SAE1: variants seen among roughly 807,000 people sequenced by gnomAD.
SAE1 encodes the protein SUMO1 activating enzyme subunit 1.
In SAE1, 11 loss-of-function variants were observed where a neutral mutation model predicts 40.6. The observed-to-expected ratio is 0.27, with a 90% CI of 0.17 to 0.45. The LOEUF is 0.45. Ranked by LOEUF, SAE1 falls within the 20% of genes least tolerant of loss-of-function variation. The probability of loss-of-function intolerance (pLI) is 1.00; values close to 1 mark genes in which losing one functional copy is unlikely to be tolerated. For missense variants in SAE1, 373 were observed against 427.3 expected (o/e 0.87, Z 1.12); for synonymous variants, 155 against 154.3 (o/e 1.00, Z -0.03).
intron 6 of SAE1, among the ~76,000 whole-genome samples, chr19:47,171,130 A>G (rs1214391360): frequency 6.8e-6 from 1 of 147,708 alleles, no homozygotes; most frequent in Non-Finnish European, 1.5e-5. Context: ...GCGTGCCACC[A>G]CACCCAGCTA....
intron 1 of SAE1, among the ~76,000 whole-genome samples, chr19:47,138,904 T>G (rs1480829885): frequency 6.6e-6 from 1 of 152,164 alleles, no homozygotes; most frequent in Non-Finnish European, 1.5e-5. Flanking sequence ...TGGACCTATT[T>G]TAAATTAGGT....
intron 7 of SAE1, among the ~76,000 whole-genome samples, chr19:47,203,336 G>A (rs1205889091): frequency 6.6e-6 from 1 of 152,148 alleles, no homozygotes; most frequent in African/African-American, 2.4e-5. Flanking sequence ...AGAGAATTGC[G>A]AGAATGTGAC....
intron 6 of SAE1, among the ~76,000 whole-genome samples, chr19:47,191,427 C>T (rs1024125216): frequency 6.6e-6 from 1 of 152,146 alleles, no homozygotes; most frequent in African/African-American, 2.4e-5. Flanking sequence ...AAATGTTAAA[C>T]GCTAGTCCTG....
chr19:47,140,063 G>C (rs868497663), intron 1 of SAE1, among the ~76,000 whole-genome samples: 3 of 148,750 alleles, frequency 2.0e-5, no homozygotes, highest in Non-Finnish European at 4.4e-5. Context: ...TCAGCTTCCC[G>C]AGTAGCTGAG....
intron 6 of SAE1, among the ~76,000 whole-genome samples, chr19:47,174,504 C>T (rs1374787044): frequency 6.6e-6 from 1 of 150,410 alleles, no homozygotes; most frequent in East Asian, 1.9e-4. Context: ...TTAAGCAATT[C>T]TCCTGCCTCA....
chr19:47,141,287 C>T lies in SAE1; in HGVS notation c.99-2207C>T, dbSNP rs1445804464. On this transcript the variant is annotated intron_variant, in intron 1 of 8. Transcript: ENST00000270225. ...AAAGTGCTGGGATTACAGGCGTGAG[C>T]CCCCACGCCTGGCCATAATTTTTTT... Among the ~76,000 whole-genome samples, 4 of 151,812 alleles carry T rather than the reference C, an allele frequency of 2.6e-5. No homozygotes were observed. In the East Asian group the frequency reaches 7.8e-4, roughly 29 times the overall value.
rs1456404598 is a variant in SAE1, at chr19:47,166,585, G to GTTGGTTCGTTGCTTA, written c.628-3232_628-3231insTGGTTCGTTGCTTAT. ...ACCCCCAACTCCGTTTCATCATATA[G>GTTGGTTCGTTGCTTA]TAGCCTAACATATTAGTTGGTTCGT... On this transcript the variant is annotated intron_variant, in intron 5 of 8. Coordinates refer to ENST00000270225, the MANE Select transcript of SAE1 (RefSeq NM_005500.3). Among the ~76,000 whole-genome samples the GTTGGTTCGTTGCTTA allele has an allele frequency of 2.6e-5, 4 of 152,090 alleles. No homozygotes were observed. In the East Asian group the frequency reaches 5.8e-4, roughly 22 times the overall value.
intron 7 of SAE1, among the ~76,000 whole-genome samples, chr19:47,199,509 G>A (rs2058639115): frequency 6.6e-6 from 1 of 152,052 alleles, no homozygotes; most frequent in Admixed American, 6.6e-5. Context: ...CCACTTTGGA[G>A]AGAAAACCAG....
rs1356645656 is a variant in SAE1, at chr19:47,169,887, C to A, written c.697C>A (p.Leu233Met). The A allele has an allele frequency of 6.2e-7, 1 of 1,614,158 alleles. No homozygotes were observed. Among genetic ancestry groups the A allele is most frequent in the Admixed American group, 1.7e-5 (1 of 60,020 alleles). ...DWSSEKAKAALKRTTSDYFLL... is the reference protein window; with the variant it reads ...DWSSEKAKAAMKRTTSDYFLL... ...GAGCAGTGAGAAAGCAAAGGCTGCT[C>A]TGAAGCGCACGACCTCCGACTACTT... Residue 233 changes from leucine (L) to methionine (M), a missense_variant, in exon 6 of 9, where the codon CTG becomes ATG. Around this residue, in one of 3 missense-constraint regions of SAE1, gnomAD observed 351 missense variants for 390.6 expected, o/e 0.90. Coordinates refer to ENST00000270225, the MANE Select transcript of SAE1 (RefSeq NM_005500.3).
At chr19:47,181,547 C>T (rs1162092649) in intron 6 of SAE1, among the ~76,000 whole-genome samples, 2 of 135,860 alleles carry the variant, frequency 1.5e-5, no homozygotes, top group Admixed American at 1.6e-4. Flanking sequence ...GGCATCATCT[C>T]GGCTCACTGC....
At chr19:47,190,969 T>C (rs568113190) in intron 6 of SAE1, among the ~76,000 whole-genome samples, 2 of 152,354 alleles carry the variant, frequency 1.3e-5, no homozygotes, top group Admixed American at 6.5e-5. Context: ...TGTCCCTGTA[T>C]GGACCTGCTG....
intron 4 of SAE1, among the ~76,000 whole-genome samples, chr19:47,153,916 G>A (rs1055705776): frequency 1.3e-5 from 2 of 150,240 alleles, no homozygotes; most frequent in Admixed American, 6.6e-5. Flanking sequence ...CTCAGCCTCC[G>A]GAGTAGCTGA....
chr19:47,194,356 A>G (rs1438961909), intron 6 of SAE1, among the ~76,000 whole-genome samples: 1 of 152,202 alleles, frequency 6.6e-6, no homozygotes, highest in Non-Finnish European at 1.5e-5. Context: ...TGTATTTTTT[A>G]AAGAGCCTCA....
Position 47,210,476 on chromosome 19 carries a change from G to A in SAE1, c.*1225G>A, listed in dbSNP as rs2058708242. 6.6e-6 allele frequency: 1 copy of A among 152,184 alleles called. No homozygotes were observed. Among genetic ancestry groups the A allele is most frequent in the Non-Finnish European group, 1.5e-5 (1 of 68,028 alleles). The allele number at this position is 152,184 out of a possible 1,614,324, so 9.4% of individuals were successfully genotyped here. A position where few individuals can be genotyped will look rare whatever the true frequency, so the allele number is the denominator to read the frequency against. On this transcript the variant is annotated 3_prime_UTR_variant, in exon 9 of 9. Coordinates refer to ENST00000270225, the MANE Select transcript of SAE1 (RefSeq NM_005500.3). The stretch of plus-strand genomic sequence containing the variant: ...GGAAGTCAAAAGTGATGCTTCATAT[G>A]CCCCAAGTGCCACAGCCGCTACGGG...
At chr19:47,155,731 C>T (rs1401864109) in intron 5 of SAE1, among the ~76,000 whole-genome samples, 1 of 151,056 alleles carries the variant, frequency 6.6e-6, no homozygotes, top group Non-Finnish European at 1.5e-5. Context: ...CGTGAGCCAC[C>T]ATGCCCGGCC....
intron 1 of SAE1, among the ~76,000 whole-genome samples, chr19:47,135,331 C>G (rs2058171913): frequency 6.6e-6 from 1 of 152,164 alleles, no homozygotes; most frequent in South Asian, 2.1e-4. Context: ...CCACCCCCCA[C>G]TACCCTTCCT....
rs143321323 is a variant in SAE1, at chr19:47,182,496, T to TGTGTGTGCGCGCGC, written c.733+12574_733+12575insTGTGTGCGCGCGCG. Among the ~76,000 whole-genome samples the TGTGTGTGCGCGCGC allele has an allele frequency of 2.3e-4, 33 of 146,042 alleles. No individual in the cohort carries two copies. In the East Asian group the frequency reaches 3.1e-3, roughly 14 times the overall value. On this transcript the variant is annotated intron_variant, in intron 6 of 8. Transcript: ENST00000270225. ...GTGTGTGTGTGTGTGTGTGTGTGTG[T>TGTGTGTGCGCGCGC]GCGCGCACGCACGCGCGCGCGCACA...
chr19:47,179,501 GAAA>G (rs201512346), intron 6 of SAE1, among the ~76,000 whole-genome samples: 1 of 127,860 alleles, frequency 7.8e-6, no homozygotes, highest in Non-Finnish European at 1.7e-5. Flanking sequence ...AGCATCTTAA[GAAA>G]AAAAAAAAAA....
rs1346032647 is a variant in SAE1 at position 47,210,100 on chromosome 19, CT to C, written c.*850del. ...AGGGCTATGTTGGTCCTTTGTTTACCTCCTAAACCACAGCTGTTTGTGTTTC... is the reference window on the plus strand; with the variant it reads ...AGGGCTATGTTGGTCCTTTGTTTACCCCTAAACCACAGCTGTTTGTGTTTC... On this transcript the variant is annotated 3_prime_UTR_variant, in exon 9 of 9. Coordinates refer to ENST00000270225, the MANE Select transcript of SAE1 (RefSeq NM_005500.3). The C allele has an allele frequency of 1.3e-5, 2 of 152,136 alleles. No individual in the cohort carries two copies. Among genetic ancestry groups the C allele is most frequent in the Non-Finnish European group, 2.9e-5 (2 of 68,018 alleles). The allele number at this position is 152,136 out of a possible 1,614,324, so 9.4% of individuals were successfully genotyped here.
Sources: allele counts gnomAD v4.1 joint callset (sites outside exome capture counted in the v4.1 genomes callset), GRCh38; gene constraint gnomAD v4.1.1; regional missense constraint gnomAD v4.1.1; transcripts MANE v1.5; gene names NCBI Gene and HGNC (gene_info 2026-07-23, HGNC 2026-07-21).